The following BCAR1 variants were observed in gnomAD, a reference collection of about 807,000 sequenced individuals.
The protein encoded by BCAR1 is BCAR1 scaffold protein, Cas family member.
Under a neutral mutation model 67.6 loss-of-function variants are expected in BCAR1, and 30 were observed. The ratio of observed to expected loss-of-function variants is 0.44; its 90% CI spans 0.33 to 0.60. BCAR1 has a LOEUF of 0.60. Among genes scored for constraint, BCAR1 ranks in the 20% least tolerant of loss-of-function variants. The pLI is 0.02. For synonymous variants in BCAR1, 626 were observed against 556.7 expected (o/e 1.12, Z -1.75); for missense variants, 1,313 against 1,222.3 (o/e 1.07, Z -1.11).
intron 1 of BCAR1, among the ~76,000 whole-genome samples, chr16:75,267,267 C>T (rs2078021763): frequency 6.6e-6 from 1 of 152,138 alleles, no homozygotes; most frequent in South Asian, 2.1e-4. Flanking sequence ...AGGGGTCCTT[C>T]CCTGCTCCAG....
In BCAR1 at chr16:75,228,308, G is replaced by C. The variant is rs186358202; in HGVS notation, c.*1203C>G. ...ACCTCTGTAGAGGTAAGATCAGGAG[G>C]GCTTGCGAATCACCCAGCCCTACTC... On this transcript the variant is annotated 3_prime_UTR_variant, in exon 7 of 7. Coordinates refer to ENST00000162330, the MANE Select transcript of BCAR1 (RefSeq NM_014567.5). The C allele has an allele frequency of 6.6e-6, 1 of 152,230 alleles. No homozygotes were observed. Among genetic ancestry groups the C allele is most frequent in the Non-Finnish European group, 1.5e-5 (1 of 68,060 alleles). 9.4% of individuals were successfully genotyped at this position (152,230 alleles called of 1,614,324 possible).
At chr16:75,267,873 T>G (rs747322276) in intron 1 of BCAR1, 2 of 1,568,046 alleles carry the variant, frequency 1.3e-6, no homozygotes, top group Non-Finnish European at 1.7e-6. Flanking sequence ...AACTCAGCCC[T>G]TAGCAGGGAG....
In BCAR1 at chr16:75,243,025, C is replaced by T. The variant is rs1212014875; in HGVS notation, c.78G>A (p.Lys26=). Residue 26 remains lysine, a synonymous_variant, in exon 2 of 7, where the codon AAG becomes AAA. Coordinates refer to ENST00000162330, the MANE Select transcript of BCAR1 (RefSeq NM_014567.5). ...GCTCCAGCACCGTCATGATGTCACCCTTGCGGAAGGAGAGCTCATCCGGGG... is the reference window on the plus strand; with the variant it reads ...GCTCCAGCACCGTCATGATGTCACCTTTGCGGAAGGAGAGCTCATCCGGGG... ...AESPDELSFR[K]GDIMTVLEQD... is the part of the protein sequence containing the mutation. 6.2e-7 allele frequency: 1 copy of T among 1,611,422 alleles called. No individual in the cohort carries two copies. The highest frequency in any genetic ancestry group is 1.3e-5 in the African/African-American group (1 of 74,908).
Position 75,242,829 on chromosome 16 carries a change from G to C in BCAR1, c.274C>G (p.Pro92Ala). The C allele has an allele frequency of 1.2e-6, 2 of 1,606,926 alleles. No homozygotes were observed. The highest frequency in any genetic ancestry group is 1.7e-6 in the Non-Finnish European group (2 of 1,177,544). Residue 92 changes from proline (P) to alanine (A), a missense_variant, in exon 2 of 7, where the codon CCA becomes GCA. Transcript: ENST00000162330. Reference protein sequence around the residue: ...PAQPQPGLHAPAPPASQYTPM... With the variant: ...PAQPQPGLHAAAPPASQYTPM... Reference sequence around the variant, plus strand: ...GTGTACTGGGAGGCCGGAGGCGCTGGGGCATGGAGGCCAGGCTGAGGCTGG... The same window carrying C: ...GTGTACTGGGAGGCCGGAGGCGCTGCGGCATGGAGGCCAGGCTGAGGCTGG...
At chr16:75,251,889 C>T, upstream of BCAR1, 1 of 362,906 alleles carries the variant, frequency 2.8e-6, no homozygotes, top group Non-Finnish European at 4.9e-6. Context: ...ACGTCCCCGC[C>T]TTCCACCCAG....
At chr16:75,236,083 CACAT>C (rs1397965339) in intron 4 of BCAR1, 97 bp from the exon 5 acceptor site, 17 of 1,402,464 alleles carry the variant, frequency 1.2e-5, no homozygotes, top group Non-Finnish European at 1.6e-5. Flanking sequence ...CACACGTACA[CACAT>C]ACAGACACAC....
At chr16:75,248,002 C>T (rs2077569963) in intron 1 of BCAR1, 1 of 1,095,272 alleles carries the variant, frequency 9.1e-7, no homozygotes, top group Non-Finnish European at 1.4e-6. Context: ...CTCTTTCCCA[C>T]ACAGCCACCA....
intron 1 of BCAR1, chr16:75,246,634 C>T (rs1012148858): frequency 6.6e-6 from 1 of 152,504 alleles, no homozygotes; most frequent in African/African-American, 2.4e-5. Flanking sequence ...ATGATGCGTG[C>T]ACAGCTCAGT....
intron 4 of BCAR1, 74 bp from the exon 5 acceptor site, chr16:75,236,060 CCACACA>C (rs3833049): frequency 4.4e-6 from 6 of 1,367,964 alleles, no homozygotes; most frequent in Non-Finnish European, 3.9e-6. Flanking sequence ...CAGCACCCAG[CCACACA>C]CACACACACA....
chr16:75,236,263 T>G, intron 4 of BCAR1: 1 of 509,176 alleles, frequency 2.0e-6, no homozygotes, highest in East Asian at 3.4e-5. Flanking sequence ...TGACCACCCC[T>G]GTGCCTGAAG....
Position 75,241,347 on chromosome 16 carries a change from G to A in BCAR1, c.633+1123C>T, listed in dbSNP as rs537441354. The stretch of plus-strand genomic sequence containing the variant: ...GCATATGGTGTGTGCATGGGTGTTC[G>A]TATCTGTGGGGTACAGGCATCATGC... On this transcript the variant is annotated intron_variant, in intron 2 of 6. Coordinates refer to ENST00000162330, the MANE Select transcript of BCAR1 (RefSeq NM_014567.5). Among the ~76,000 whole-genome samples the A allele has an allele frequency of 5.9e-5, 9 of 152,270 alleles. No homozygotes were observed. In the East Asian group the frequency reaches 9.6e-4, roughly 16 times the overall value.
At chr16:75,264,516 T>G (rs1441713235) in intron 1 of BCAR1, 4 of 1,415,670 alleles carry the variant, frequency 2.8e-6, no homozygotes, top group Non-Finnish European at 3.7e-6. Flanking sequence ...GTCTTCCTTC[T>G]TTCTGAAGAC....
At chr16:75,263,618 C>T in intron 1 of BCAR1, 1 of 985,470 alleles carries the variant, frequency 1.0e-6, no homozygotes, top group Non-Finnish European at 1.2e-6. Context: ...ACCCGCACAA[C>T]CAGCCCACCA....
chr16:75,263,897 TC>T, intron 1 of BCAR1: 1 of 1,041,398 alleles, frequency 9.6e-7, no homozygotes, highest in Non-Finnish European at 1.2e-6. Context: ...AAATGAATTC[TC>T]CTCTTGGCCC....
At chr16:75,245,790 G>A (rs190721087) in intron 1 of BCAR1, among the ~76,000 whole-genome samples, 5 of 152,028 alleles carry the variant, frequency 3.3e-5, no homozygotes, top group Non-Finnish European at 7.4e-5. Context: ...CAGGGCCCCC[G>A]CCTCTCCGGG....
intron 1 of BCAR1, chr16:75,248,719 G>T (rs1381598314): frequency 1.3e-5 from 2 of 154,178 alleles, no homozygotes; most frequent in African/African-American, 4.8e-5. Flanking sequence ...ACGTTCCAGA[G>T]CCACCCCAGG....
chr16:75,256,984 T>TG (rs2077792416), intron 1 of BCAR1, among the ~76,000 whole-genome samples: 1 of 152,040 alleles, frequency 6.6e-6, no homozygotes, highest in Admixed American at 6.5e-5. Flanking sequence ...CTGCGCCCTA[T>TG]GGCAGAGGCA....
intron 1 of BCAR1, chr16:75,249,864 C>T (rs1045877515): frequency 3.9e-5 from 6 of 152,278 alleles, no homozygotes; most frequent in African/African-American, 1.4e-4. Flanking sequence ...AATTCGGAGG[C>T]CACATGTGGT....
intron 1 of BCAR1, chr16:75,264,004 C>T (rs925536514): frequency 6.1e-5 from 73 of 1,202,016 alleles, no homozygotes; most frequent in Non-Finnish European, 7.3e-5. Context: ...CCTCTGCCCA[C>T]CCCCAGCAGA....
Sources: gnomAD v4.1 joint callset for allele counts (sites outside exome capture counted in the v4.1 genomes callset) on GRCh38, gnomAD v4.1.1 for gene constraint, MANE v1.5 for transcripts, NCBI Gene and HGNC (gene_info 2026-07-23, HGNC 2026-07-21) for gene names.